FAM131B: variants seen among roughly 807,000 people sequenced by gnomAD.
The protein encoded by FAM131B is protein FAM131B.
In FAM131B, 19 loss-of-function variants were observed where a neutral mutation model predicts 42.0. The ratio of observed to expected loss-of-function variants is 0.45; its 90% CI spans 0.32 to 0.66. The LOEUF (loss-of-function observed/expected upper bound fraction) is 0.66. Ranked by LOEUF, FAM131B falls within the 30% of genes least tolerant of loss-of-function variation. The pLI, the probability that FAM131B is intolerant of heterozygous loss-of-function variation, is 0.05. For missense variants in FAM131B, 370 were observed against 468.4 expected (o/e 0.79, Z 1.94); for synonymous variants, 183 against 177.6 (o/e 1.03, Z -0.24).
chr7:143,367,879 C>A, the FAM131B span, among the ~76,000 whole-genome samples: 5 of 152,196 alleles, frequency 3.3e-5, no homozygotes, highest in South Asian at 1.0e-3. Flanking sequence ...CAGACAACTG[C>A]TTCTTTGGTG....
rs1803858569 is a variant in FAM131B, at chr7:143,359,663, A to G, written c.174+69T>C. 5 of 1,410,298 alleles carry G rather than the reference A, an allele frequency of 3.5e-6. No homozygotes were observed. Among genetic ancestry groups the G allele is most frequent in the Non-Finnish European group, 4.9e-6 (5 of 1,017,358 alleles). 87.4% of individuals were successfully genotyped at this position (1,410,298 alleles called of 1,614,324 possible). ...GCCAGGGAATACCGTGCTGGTTGGA[A>G]GGTGCAAGGGAGAAGATGAGGAGGA... On this transcript the variant is annotated intron_variant, in intron 3 of 6. Coordinates refer to ENST00000443739, the MANE Select transcript of FAM131B (RefSeq NM_001031690.3). This position sits in a 1 kb window ranked among gnomAD's most constrained non-coding sequence, Gnocchi z 5.4.
the FAM131B span, among the ~76,000 whole-genome samples, chr7:143,371,319 A>C: frequency 6.6e-6 from 1 of 152,140 alleles, no homozygotes; most frequent in Admixed American, 6.5e-5. Context: ...TATGAAGAAA[A>C]ATTAAGGAAG....
At chr7:143,381,779 G>A in the FAM131B span, 5 of 1,564,384 alleles carry the variant, frequency 3.2e-6, no homozygotes, top group South Asian at 5.8e-5. Flanking sequence ...GCCCCCGGAA[G>A]GTATGCGGCG....
rs752314659 is a variant in FAM131B, at chr7:143,356,615, C to T, written c.1018G>A (p.Val340Met). Reference protein sequence around the residue: ...PEMSTALSRKVSDVTSSGVQS... With the variant: ...PEMSTALSRKMSDVTSSGVQS... ...ACACCTGAGGATGTGACGTCAGACA[C>T]CTTCCGGCTGAGAGCGGTAGACATC... The change falls in exon 7 of 7, where the codon GTG becomes ATG. Residue 340 changes from valine (V) to methionine (M), a missense_variant. Coordinates refer to ENST00000443739, the MANE Select transcript of FAM131B (RefSeq NM_001031690.3). The surrounding 1 kb of genome is among the most constrained non-coding windows in gnomAD (Gnocchi z 4.4). 5.0e-6 allele frequency: 8 copies of T among 1,613,912 alleles called. No individual in the cohort carries two copies. The highest frequency in any genetic ancestry group is 6.8e-6 in the Non-Finnish European group (8 of 1,180,016).
At position 143,356,759 on chromosome 7, in the gene FAM131B, C is replaced by A. The variant is rs772013750; in HGVS notation, c.874G>T (p.Gly292Cys). ...GGDTDWAPGV[G>C]AVDLARGPAE... Reference sequence around the variant, plus strand: ...GGGCCCCTTGCCAGGTCCACTGCGCCTACCCCCGGAGCCCAGTCAGTGTCT... The same window carrying A: ...GGGCCCCTTGCCAGGTCCACTGCGCATACCCCCGGAGCCCAGTCAGTGTCT... The change falls in exon 7 of 7, where the codon GGC (glycine) becomes TGC (cysteine). Residue 292 changes from glycine (G) to cysteine (C), a missense_variant. Transcript: ENST00000443739. The surrounding 1 kb of genome is among the most constrained non-coding windows in gnomAD (Gnocchi z 4.4). 2.5e-6 allele frequency: 4 copies of A among 1,614,032 alleles called. No homozygotes were observed. In the South Asian group the frequency reaches 4.4e-5, roughly 18 times the overall value.
the FAM131B span, among the ~76,000 whole-genome samples, chr7:143,375,795 A>AGG: frequency 6.6e-6 from 1 of 152,192 alleles, no homozygotes; most frequent in Admixed American, 6.5e-5. Context: ...CTTCTAGGCC[A>AGG]GGCTCTCTGA....
At chr7:143,380,572 C>A in the FAM131B span, 3,068 of 985,460 alleles carry the variant, frequency 3.1e-3, 2 homozygotes, top group Middle Eastern at 4.7e-3. This position sits in a 1 kb window ranked among gnomAD's most constrained non-coding sequence, Gnocchi z 5.0. Flanking sequence ...CACCTCCATT[C>A]CCGGCCCCGC....
chr7:143,381,558 A>G, the FAM131B span: 2 of 1,607,580 alleles, frequency 1.2e-6, no homozygotes, highest in Admixed American at 3.3e-5. Context: ...CCACCCCAGC[A>G]GCCCGGCCCG....
At chr7:143,367,125 A>G (rs1804198786), upstream of FAM131B, among the ~76,000 whole-genome samples, 1 of 152,234 alleles carries the variant, frequency 6.6e-6, no homozygotes, top group Non-Finnish European at 1.5e-5. Context: ...GGTTTCCCAG[A>G]GTAATCAACA....
At chr7:143,381,856 T>G in the FAM131B span, 2 of 1,368,020 alleles carry the variant, frequency 1.5e-6, no homozygotes, top group East Asian at 2.5e-5. Context: ...TTTGGGGATG[T>G]CTGGAAAGGT....
chr7:143,370,005 C>T, the FAM131B span, among the ~76,000 whole-genome samples: 4 of 152,236 alleles, frequency 2.6e-5, no homozygotes, highest in African/African-American at 4.8e-5. Flanking sequence ...AAATTTTGAA[C>T]GCCAGGTGCT....
rs1379944271 is a variant in FAM131B at position 143,356,698 on chromosome 7, T to C, written c.935A>G (p.Glu312Gly). ...GTCCCGGCATCCCGCATCCTCTTCC[T>C]CCTCAGGTGCCAATGGCCTCTTCTC... ...EEEKRPLAPE[E>G]EEDAGCRDLE... Residue 312 changes from glutamate to glycine, a missense_variant, in exon 7 of 7, where the codon GAG (glutamate) becomes GGG (glycine). Coordinates refer to ENST00000443739, the MANE Select transcript of FAM131B (RefSeq NM_001031690.3). This position sits in a 1 kb window ranked among gnomAD's most constrained non-coding sequence, Gnocchi z 4.4. 1 of 1,613,976 alleles carries C rather than the reference T, an allele frequency of 6.2e-7. No individual in the cohort carries two copies.
rs779437737 is a variant in FAM131B at position 143,358,893 on chromosome 7, C to T, written c.400G>A (p.Val134Met). 6 of 1,614,022 alleles carry T rather than the reference C, an allele frequency of 3.7e-6. No individual in the cohort carries two copies. Among genetic ancestry groups the T allele is most frequent in the South Asian group, 2.2e-5 (2 of 91,086 alleles). Residue 134 changes from valine (V) to methionine (M), a missense_variant, in exon 5 of 7, where the codon GTG becomes ATG. Transcript: ENST00000443739. This position sits in a 1 kb window ranked among gnomAD's most constrained non-coding sequence, Gnocchi z 4.7. Reference protein sequence around the residue: ...AVQPQHSHESVRRDTDAYSDL... With the variant: ...AVQPQHSHESMRRDTDAYSDL... The stretch of plus-strand genomic sequence containing the variant: ...GAGTAGGCATCCGTATCCCTGCGCA[C>T]GGACTCATGGCTGTGTTGTGGCTGA...
intron 1 of FAM131B, chr7:143,361,996 G>T (rs920548997): frequency 3.6e-5 from 14 of 392,304 alleles, no homozygotes; most frequent in Middle Eastern, 1.2e-3. Context: ...TCCCGCCCCC[G>T]CCCCAGAGGG....
At chr7:143,376,981 A>AT in the FAM131B span, among the ~76,000 whole-genome samples, 3 of 152,046 alleles carry the variant, frequency 2.0e-5, no homozygotes, top group East Asian at 1.9e-4. Context: ...TTATTTGTTT[A>AT]TTTTTTTGAC....
chr7:143,372,455 G>A, the FAM131B span, among the ~76,000 whole-genome samples: 1 of 152,352 alleles, frequency 6.6e-6, no homozygotes, highest in Admixed American at 6.5e-5. Flanking sequence ...AAAATAGAAG[G>A]AGCTGGTTGG....
At position 143,362,625 on chromosome 7, in the gene FAM131B, G is replaced by C; in HGVS notation, c.-22C>G. On this transcript the variant is annotated 5_prime_UTR_variant, in exon 1 of 7. Coordinates refer to ENST00000443739, the MANE Select transcript of FAM131B (RefSeq NM_001031690.3). The surrounding 1 kb of genome is among the most constrained non-coding windows in gnomAD (Gnocchi z 7.7). Reference sequence around the variant, plus strand: ...CCATGGCTCCGGGGGCCGCAGAGCCGGGCCCTCACCGACTCGGGGCGCGCG... The same window carrying C: ...CCATGGCTCCGGGGGCCGCAGAGCCCGGCCCTCACCGACTCGGGGCGCGCG... 1 of 1,209,158 alleles carries C rather than the reference G, an allele frequency of 8.3e-7. No homozygotes were observed. Among genetic ancestry groups the C allele is most frequent in the Non-Finnish European group, 1.0e-6 (1 of 972,828 alleles). The allele number at this position is 1,209,158 out of a possible 1,614,324, so 74.9% of individuals were successfully genotyped here. A position where few individuals can be genotyped will look rare whatever the true frequency, so the allele number is the denominator to read the frequency against.
chr7:143,382,239 C>T, the FAM131B span: 1 of 1,611,422 alleles, frequency 6.2e-7, no homozygotes, highest in Non-Finnish European at 8.5e-7. Flanking sequence ...TTTCTCCTTC[C>T]TACCCCAGAC....
At chr7:143,357,975 T>C (rs750134617) in intron 5 of FAM131B, among the ~76,000 whole-genome samples, 1 of 151,912 alleles carries the variant, frequency 6.6e-6, no homozygotes, top group Non-Finnish European at 1.5e-5. Context: ...TCTTTGGAGG[T>C]TTTTAGGAAT....
Sources: allele counts gnomAD v4.1 joint callset (sites outside exome capture counted in the v4.1 genomes callset), GRCh38; gene constraint gnomAD v4.1.1; non-coding constraint Gnocchi (gnomAD v3.1); transcripts MANE v1.5; gene names NCBI Gene and HGNC (gene_info 2026-07-23, HGNC 2026-07-21).